OR2L13: variants seen among roughly 807,000 people sequenced by gnomAD.
OR2L13 encodes the protein olfactory receptor family 2 subfamily L member 13, also known as olfactory receptor 2L13.
Under a neutral mutation model 15.3 loss-of-function variants are expected in OR2L13, and 14 were observed. The ratio of observed to expected loss-of-function variants is 0.91; its 90% CI spans 0.60 to 1.43. OR2L13 has a LOEUF of 1.43. Among genes scored for constraint, OR2L13 ranks in the 40% most tolerant of loss-of-function variants. The pLI, the probability that OR2L13 is intolerant of heterozygous loss-of-function variation, is 0.00. For synonymous variants in OR2L13, 152 were observed against 142.9 expected, an observed-to-expected ratio of 1.06 and a Z score of -0.45; for missense variants, 367 against 387.9, an observed-to-expected ratio of 0.95 and a Z score of 0.45.
In OR2L13 at chr1:248,100,163, A is replaced by G. The variant is rs1354256481; in HGVS notation, c.788A>G (p.Asn263Ser). 7 of 1,613,966 alleles carry G rather than the reference A, an allele frequency of 4.3e-6. No homozygotes were observed. Among genetic ancestry groups the G allele is most frequent in the South Asian group, 1.1e-5 (1 of 91,084 alleles). Reference sequence around the variant, plus strand: ...GTCTACACCTATCTTCGGCCCAGGAATCTCCGCTCACCAGCTGAAGACAAG... The same window carrying G: ...GTCTACACCTATCTTCGGCCCAGGAGTCTCCGCTCACCAGCTGAAGACAAG... The change falls in exon 3 of 3, where the codon AAT (asparagine) becomes AGT (serine). Residue 263 changes from asparagine (N) to serine (S), a missense_variant. Asn to Ser is a conservative substitution (Grantham distance 46, BLOSUM62 1). Coordinates refer to ENST00000641714, the Ensembl canonical transcript of OR2L13.
the OR2L13 span, among the ~76,000 whole-genome samples, chr1:248,014,960 A>ATAC: frequency 2.6e-5 from 4 of 152,164 alleles, no homozygotes; most frequent in Non-Finnish European, 5.9e-5. Context: ...CAGTCAAAGG[A>ATAC]TACTTCATAC....
At chr1:247,943,352 A>G in the OR2L13 span, among the ~76,000 whole-genome samples, 1 of 152,120 alleles carries the variant, frequency 6.6e-6, no homozygotes, top group East Asian at 1.9e-4. Flanking sequence ...GAAGGGTTCA[A>G]CAGAAGCCCA....
the OR2L13 span, among the ~76,000 whole-genome samples, chr1:247,962,439 C>T: frequency 0.83 from 126,783 of 151,880 alleles, 56,623 homozygotes; most frequent in Non-Finnish European, 0.98. Context: ...GGCTGTGTGA[C>T]ACTGATTTAA....
the OR2L13 span, among the ~76,000 whole-genome samples, chr1:247,958,506 T>C: frequency 6.6e-6 from 1 of 152,228 alleles, no homozygotes; most frequent in African/African-American, 2.4e-5. Flanking sequence ...TTGTTAACTT[T>C]CTGTCTCTTT....
chr1:248,034,979 A>G, the OR2L13 span, among the ~76,000 whole-genome samples: 1 of 151,294 alleles, frequency 6.6e-6, no homozygotes, highest in Non-Finnish European at 1.5e-5. Context: ...CTACACATAT[A>G]GTTATGTCAT....
the OR2L13 span, among the ~76,000 whole-genome samples, chr1:248,031,883 A>T: frequency 6.6e-6 from 1 of 152,136 alleles, no homozygotes; most frequent in East Asian, 1.9e-4. Context: ...ATGAGATCTG[A>T]TGTGTCATTT....
the OR2L13 span, among the ~76,000 whole-genome samples, chr1:248,024,711 A>G: frequency 1.3e-5 from 2 of 152,162 alleles, no homozygotes; most frequent in Admixed American, 6.6e-5. Flanking sequence ...AAGATCAGAT[A>G]GTTGTAGATA....
the OR2L13 span, among the ~76,000 whole-genome samples, chr1:247,996,362 T>C: frequency 6.6e-6 from 1 of 152,228 alleles, no homozygotes; most frequent in African/African-American, 2.4e-5. Flanking sequence ...GTAAATATGA[T>C]TATGCATTTA....
At chr1:247,956,331 G>A in the OR2L13 span, among the ~76,000 whole-genome samples, 1 of 151,602 alleles carries the variant, frequency 6.6e-6, no homozygotes, top group African/African-American at 2.4e-5. Flanking sequence ...GTACCATGCT[G>A]TTTTGGTTAC....
the OR2L13 span, chr1:248,062,703 G>T: frequency 2.6e-5 from 4 of 152,094 alleles, no homozygotes; most frequent in African/African-American, 9.7e-5. Flanking sequence ...AGAATTTATT[G>T]TATGTATTAA....
the OR2L13 span, chr1:248,003,181 C>G: frequency 6.8e-7 from 1 of 1,463,934 alleles, no homozygotes; most frequent in Non-Finnish European, 9.6e-7. Flanking sequence ...TGGGGCTGTT[C>G]CCACCATCAA....
At chr1:248,002,352 A>G in the OR2L13 span, among the ~76,000 whole-genome samples, 1 of 121,464 alleles carries the variant, frequency 8.2e-6, no homozygotes, top group East Asian at 2.5e-4. Flanking sequence ...CATCACTACC[A>G]TGCACCTATC....
At chr1:247,961,220 A>G in the OR2L13 span, among the ~76,000 whole-genome samples, 10 of 152,332 alleles carry the variant, frequency 6.6e-5, no homozygotes, top group South Asian at 2.1e-3. Flanking sequence ...AGCCTGGAAT[A>G]AATTCCACAC....
At chr1:248,089,654 A>G in the OR2L13 span, among the ~76,000 whole-genome samples, 1 of 152,314 alleles carries the variant, frequency 6.6e-6, no homozygotes, top group East Asian at 1.9e-4. Context: ...TCCTTTATAA[A>G]AACTAGAGAT....
the OR2L13 span, among the ~76,000 whole-genome samples, chr1:247,960,619 C>A: frequency 6.6e-6 from 1 of 152,246 alleles, no homozygotes; most frequent in Admixed American, 6.5e-5. Context: ...CTTTTTTTTA[C>A]CTACTCAAGC....
upstream of OR2L13, among the ~76,000 whole-genome samples, chr1:248,096,220 T>C (rs1486975704): frequency 1.3e-5 from 2 of 150,960 alleles, no homozygotes; most frequent in Non-Finnish European, 3.0e-5. Flanking sequence ...CTACTGAAAA[T>C]ACAAAAATAA....
chr1:248,066,856 A>G, the OR2L13 span, among the ~76,000 whole-genome samples: 1 of 152,246 alleles, frequency 6.6e-6, no homozygotes, highest in East Asian at 1.9e-4. Flanking sequence ...CCAATTAGAT[A>G]GTTGCAAAGA....
chr1:247,987,728 G>T, the OR2L13 span, among the ~76,000 whole-genome samples: 412 of 151,992 alleles, frequency 2.7e-3, 6 homozygotes, highest in African/African-American at 9.4e-3. Flanking sequence ...TCAAATACCA[G>T]CCCTTGACTC....
chr1:248,088,456 C>T, the OR2L13 span, among the ~76,000 whole-genome samples: 2 of 152,008 alleles, frequency 1.3e-5, no homozygotes, highest in South Asian at 4.1e-4. Context: ...ATAAAAGATG[C>T]ATAATAAAAT....
Sources: gnomAD v4.1 joint callset for allele counts (sites outside exome capture counted in the v4.1 genomes callset) on GRCh38, gnomAD v4.1.1 for gene constraint, MANE v1.5 for transcripts, NCBI Gene and HGNC (gene_info 2026-07-23, HGNC 2026-07-21) for gene names.